The following PTER variants were observed in gnomAD, a reference collection of about 807,000 sequenced individuals.
The protein encoded by PTER is phosphotriesterase related.
Under a neutral mutation model 29.6 loss-of-function variants are expected in PTER, and 38 were observed. The ratio of observed to expected loss-of-function variants is 1.28; its 90% CI spans 0.99 to 1.68. The LOEUF is 1.68. Among genes scored for constraint, PTER ranks in the 40% most tolerant of loss-of-function variants. The probability of loss-of-function intolerance (pLI) is 0.00; values close to 1 mark genes in which losing one functional copy is unlikely to be tolerated. For missense variants in PTER, 482 were observed against 427.8 expected (o/e 1.13, Z -1.12); for synonymous variants, 172 against 154.5 (o/e 1.11, Z -0.84).
At chr10:16,465,345 TTAG>T (rs1834770028) in intron 1 of PTER, among the ~76,000 whole-genome samples, 1 of 152,202 alleles carries the variant, frequency 6.6e-6, no homozygotes, top group African/African-American at 2.4e-5. Flanking sequence ...TCAGTTGAAG[TTAG>T]TAGATCCTCA....
chr10:16,515,375 G>A (rs1353646361), downstream of PTER, among the ~76,000 whole-genome samples: 1 of 151,900 alleles, frequency 6.6e-6, no homozygotes, highest in African/African-American at 2.4e-5. Flanking sequence ...TTTCCATCGT[G>A]TCTTTTTATT....
intron 3 of PTER, among the ~76,000 whole-genome samples, chr10:16,489,108 A>G (rs1434234644): frequency 1.3e-5 from 2 of 152,110 alleles, no homozygotes; most frequent in African/African-American, 4.8e-5. Context: ...CACCTCTTTC[A>G]TATTTCCATC....
At chr10:16,456,600 C>G (rs1159195322) in intron 1 of PTER, among the ~76,000 whole-genome samples, 1 of 152,120 alleles carries the variant, frequency 6.6e-6, no homozygotes, top group Non-Finnish European at 1.5e-5. Context: ...TTGTTCTTCT[C>G]TTAGCAATAA....
At position 16,486,384 on chromosome 10, in the gene PTER, T is replaced by C. The variant is rs751499114; in HGVS notation, c.465T>C (p.His155=). Residue 155 remains histidine (H), a synonymous_variant, in exon 3 of 5, where the codon CAT becomes CAC. Transcript: ENST00000535784. Reference sequence around the variant, plus strand: ...ATGTCCTTATGAATGAAATTCTCCATGGAGCTGATGGAACCAGTATCAAGT... The same window carrying C: ...ATGTCCTTATGAATGAAATTCTCCACGGAGCTGATGGAACCAGTATCAAGT... ...LTDVLMNEIL[H]GADGTSIKCG... is the part of the protein sequence containing the mutation. 6 of 1,613,816 alleles carry C rather than the reference T, an allele frequency of 3.7e-6. No homozygotes were observed. The South Asian group carries it at 5.5e-5, about 15-fold the overall frequency.
rs551920579 is a variant in PTER, at chr10:16,490,174, A to G, written c.698+3557A>G. ...CGCAGAATCATCTATCACAAAGCCTATTTTATAATAAGGTGTTGAACAGCT... is the reference window on the plus strand; with the variant it reads ...CGCAGAATCATCTATCACAAAGCCTGTTTTATAATAAGGTGTTGAACAGCT... On this transcript the variant is annotated intron_variant, in intron 3 of 4. Coordinates refer to ENST00000535784, the MANE Select transcript of PTER (RefSeq NM_001261836.2). Among the ~76,000 whole-genome samples the G allele has an allele frequency of 2.6e-5, 4 of 152,274 alleles. No homozygotes were observed. The South Asian group carries it at 8.3e-4, about 32-fold the overall frequency.
At chr10:16,465,169 C>A (rs556769522) in intron 1 of PTER, among the ~76,000 whole-genome samples, 2 of 152,138 alleles carry the variant, frequency 1.3e-5, no homozygotes, top group African/African-American at 2.4e-5. Context: ...TCTCTCCTGA[C>A]ATTTACTGCA....
intron 1 of PTER, among the ~76,000 whole-genome samples, chr10:16,450,450 G>A (rs1394172154): frequency 6.6e-6 from 1 of 152,210 alleles, no homozygotes; most frequent in Non-Finnish European, 1.5e-5. Context: ...GCTCATAAGA[G>A]TTTATAAGCT....
downstream of PTER, chr10:16,514,108 A>G (rs186528834): frequency 1.3e-4 from 49 of 389,328 alleles, no homozygotes; most frequent in East Asian, 1.3e-3. Context: ...TCCCCACACT[A>G]TGAATGGACT....
At position 16,505,022 on chromosome 10, in the gene PTER, C is replaced by T. The variant is rs1232486235; in HGVS notation, c.701C>T (p.Thr234Ile). ...SKTVMSHLDR[T>I]ILDKKELLEF... is the part of the protein sequence containing the mutation. ...TTCATCTGTCGCATTGTTTCTAGGA[C>T]TATTCTTGATAAGAAAGAGCTCTTG... The change falls in exon 4 of 5, where the codon ACT becomes ATT. Residue 234 changes from threonine (T) to isoleucine (I), a missense_variant and splice_region_variant. By Grantham distance (89) the Thr-to-Ile change is moderately conservative. Transcript: ENST00000535784. 6.8e-6 allele frequency: 11 copies of T among 1,613,844 alleles called. No individual in the cohort carries two copies. The highest frequency in any genetic ancestry group is 1.7e-5 in the Admixed American group (1 of 60,004).
intron 3 of PTER, among the ~76,000 whole-genome samples, chr10:16,492,167 G>A (rs533128460): frequency 4.6e-5 from 7 of 152,286 alleles, no homozygotes; most frequent in African/African-American, 1.4e-4. Flanking sequence ...TGTCTAGGCC[G>A]TCCCCTAACC....
downstream of PTER, chr10:16,514,164 C>G: frequency 5.0e-6 from 2 of 398,916 alleles, no homozygotes; most frequent in Non-Finnish European, 4.4e-6. Context: ...CCAAAGCTGA[C>G]ATATGGATAA....
At chr10:16,454,026 A>G (rs747566308) in intron 1 of PTER, among the ~76,000 whole-genome samples, 1 of 152,174 alleles carries the variant, frequency 6.6e-6, no homozygotes, top group Non-Finnish European at 1.5e-5. Flanking sequence ...TGCAGTTGGT[A>G]AAGTTTTAGC....
intron 1 of PTER, among the ~76,000 whole-genome samples, chr10:16,462,585 T>TTTTTTTG (rs1554788164): frequency 6.6e-6 from 1 of 150,928 alleles, no homozygotes; most frequent in Non-Finnish European, 1.5e-5. Flanking sequence ...TTTTTTTTTT[T>TTTTTTTG]TTTGAGACAG....
chr10:16,469,447 T>A (rs1834966110), intron 1 of PTER, among the ~76,000 whole-genome samples: 1 of 152,212 alleles, frequency 6.6e-6, no homozygotes, highest in South Asian at 2.1e-4. Context: ...GAGAAGCTTT[T>A]ACTGGAATCC....
intron 1 of PTER, among the ~76,000 whole-genome samples, chr10:16,439,556 A>G (rs901376265): frequency 6.6e-6 from 1 of 152,192 alleles, no homozygotes; most frequent in Non-Finnish European, 1.5e-5. Context: ...AGATTGTCTC[A>G]GTTTTAAGCT....
chr10:16,492,773 G>A (rs1835945607), intron 3 of PTER, among the ~76,000 whole-genome samples: 1 of 152,216 alleles, frequency 6.6e-6, no homozygotes, highest in African/African-American at 2.4e-5. Context: ...AGGGCACAAT[G>A]ATAATTAAGT....
At chr10:16,472,650 C>A (rs574946642) in intron 1 of PTER, among the ~76,000 whole-genome samples, 2 of 152,160 alleles carry the variant, frequency 1.3e-5, no homozygotes, top group South Asian at 4.1e-4. Flanking sequence ...AGCCTGAGAA[C>A]AGACTAATAC....
downstream of PTER, among the ~76,000 whole-genome samples, chr10:16,517,174 C>T (rs1458752253): frequency 2.6e-5 from 4 of 152,192 alleles, no homozygotes; most frequent in South Asian, 2.1e-4. Flanking sequence ...CTTCCTTCAG[C>T]GCAATCAACC....
At chr10:16,458,223 C>T (rs972968633) in intron 1 of PTER, among the ~76,000 whole-genome samples, 4 of 151,196 alleles carry the variant, frequency 2.6e-5, no homozygotes, top group Non-Finnish European at 3.0e-5. Flanking sequence ...TGCTGCCCAG[C>T]ACTTTTTTTT....
Sources: allele counts gnomAD v4.1 joint callset (sites outside exome capture counted in the v4.1 genomes callset), GRCh38; gene constraint gnomAD v4.1.1; transcripts MANE v1.5; gene names NCBI Gene and HGNC (gene_info 2026-07-23, HGNC 2026-07-21).